FSTL4: variants seen among roughly 807,000 people sequenced by gnomAD.
The protein encoded by FSTL4 is follistatin like 4, also known as follistatin-related protein 4.
Under a neutral mutation model 78.2 loss-of-function variants are expected in FSTL4, and 28 were observed. That is an observed-to-expected ratio of 0.36 (90% CI 0.27 to 0.49). The LOEUF (loss-of-function observed/expected upper bound fraction) is 0.49. FSTL4 is among the 20% of genes least tolerant of loss of function. The pLI is 0.98. For synonymous variants in FSTL4, 422 were observed against 440.5 expected (o/e 0.96, Z 0.53); for missense variants, 922 against 1,084.9 (o/e 0.85, Z 2.11).
At chr5:133,289,283 CT>C (rs1220480878) in intron 6 of FSTL4, among the ~76,000 whole-genome samples, 7 of 152,222 alleles carry the variant, frequency 4.6e-5, no homozygotes, top group African/African-American at 1.7e-4. Flanking sequence ...CCTAATCCTT[CT>C]TCTGAGCCTT....
At chr5:133,515,137 T>G (rs1197549045) in intron 3 of FSTL4, among the ~76,000 whole-genome samples, 1 of 152,244 alleles carries the variant, frequency 6.6e-6, no homozygotes. Context: ...TGTTGGTTAA[T>G]AAGCTGAATA....
the FSTL4 span, among the ~76,000 whole-genome samples, chr5:133,635,750 G>A: frequency 6.6e-6 from 1 of 152,100 alleles, no homozygotes; most frequent in Non-Finnish European, 1.5e-5. Flanking sequence ...GTGACAGAGC[G>A]AGACTCCATC....
At chr5:133,531,652 T>A (rs1196294814) in intron 3 of FSTL4, among the ~76,000 whole-genome samples, 1 of 152,180 alleles carries the variant, frequency 6.6e-6, no homozygotes, top group Non-Finnish European at 1.5e-5. Context: ...TTGCAATAAA[T>A]CAGTGTGAAA....
At chr5:133,821,103 G>A in the FSTL4 span, among the ~76,000 whole-genome samples, 1 of 152,210 alleles carries the variant, frequency 6.6e-6, no homozygotes, top group African/African-American at 2.4e-5. Flanking sequence ...GCTTTGAAAA[G>A]TCCACAAGGA....
the FSTL4 span, among the ~76,000 whole-genome samples, chr5:133,715,775 C>T: frequency 6.6e-5 from 10 of 152,136 alleles, no homozygotes; most frequent in Non-Finnish European, 1.0e-4. Context: ...GAATGCCTTG[C>T]GAAATCCCAA....
chr5:133,763,135 G>A, the FSTL4 span, among the ~76,000 whole-genome samples: 1 of 152,240 alleles, frequency 6.6e-6, no homozygotes, highest in African/African-American at 2.4e-5. Flanking sequence ...CTCCAGGACT[G>A]TGAATCCTGA....
intron 7 of FSTL4, among the ~76,000 whole-genome samples, chr5:133,245,922 C>G (rs1280219443): frequency 2.0e-5 from 3 of 152,196 alleles, no homozygotes; most frequent in African/African-American, 7.2e-5. Context: ...GAATGGCATT[C>G]TGTAATAGCT....
At chr5:133,714,180 C>A in the FSTL4 span, among the ~76,000 whole-genome samples, 1 of 152,158 alleles carries the variant, frequency 6.6e-6, no homozygotes, top group Non-Finnish European at 1.5e-5. Flanking sequence ...CTCAGCCCAG[C>A]CCAGACACAC....
At chr5:133,253,445 G>A (rs1237980112) in intron 6 of FSTL4, among the ~76,000 whole-genome samples, 1 of 152,210 alleles carries the variant, frequency 6.6e-6, no homozygotes. Flanking sequence ...CTTTTGACTC[G>A]GAGCCGATTA....
intron 4 of FSTL4, among the ~76,000 whole-genome samples, chr5:133,354,998 G>A (rs1187570459): frequency 6.6e-6 from 1 of 152,234 alleles, no homozygotes; most frequent in Non-Finnish European, 1.5e-5. Flanking sequence ...AGGAAGCCCT[G>A]CTGTCAGCAG....
upstream of FSTL4, among the ~76,000 whole-genome samples, chr5:133,615,172 T>C (rs1055841657): frequency 2.0e-5 from 3 of 152,176 alleles, no homozygotes; most frequent in Non-Finnish European, 2.9e-5. Context: ...CAGCTTACCC[T>C]TGGGAGTCCC....
chr5:133,388,199 T>G (rs1187467362), intron 4 of FSTL4, among the ~76,000 whole-genome samples: 2 of 152,238 alleles, frequency 1.3e-5, no homozygotes, highest in East Asian at 3.8e-4. Context: ...GAGTTCCTCT[T>G]TGTCAGATTC....
At chr5:133,561,018 G>A (rs1759900336) in intron 3 of FSTL4, among the ~76,000 whole-genome samples, 2 of 151,138 alleles carry the variant, frequency 1.3e-5, no homozygotes, top group Non-Finnish European at 2.9e-5. Flanking sequence ...GAACCCGTGA[G>A]GCTGAGCTTG....
the FSTL4 span, among the ~76,000 whole-genome samples, chr5:133,782,647 C>T: frequency 3.9e-5 from 6 of 152,190 alleles, no homozygotes; most frequent in African/African-American, 1.4e-4. Context: ...CTGGGAGAGC[C>T]AGCAGCAGCC....
intron 3 of FSTL4, among the ~76,000 whole-genome samples, chr5:133,482,083 C>T (rs1379760825): frequency 6.6e-6 from 1 of 152,216 alleles, no homozygotes; most frequent in East Asian, 1.9e-4. Context: ...GTTTCACTAA[C>T]AGCTAATGCA....
chr5:133,548,602 C>G (rs142250986), intron 3 of FSTL4, among the ~76,000 whole-genome samples: 45 of 152,226 alleles, frequency 3.0e-4, no homozygotes, highest in Non-Finnish European at 5.9e-5. Context: ...CCTAGAGATA[C>G]TAACACTACT....
At chr5:133,500,760 T>C (rs1758477662) in intron 3 of FSTL4, among the ~76,000 whole-genome samples, 1 of 152,170 alleles carries the variant, frequency 6.6e-6, no homozygotes, top group Non-Finnish European at 1.5e-5. Flanking sequence ...CAAAAAAGAT[T>C]TCCTATGACT....
At chr5:133,646,934 G>T in the FSTL4 span, among the ~76,000 whole-genome samples, 1 of 152,168 alleles carries the variant, frequency 6.6e-6, no homozygotes, top group South Asian at 2.1e-4. Context: ...AAGTATCCTG[G>T]CTCCTGCAAA....
At chr5:133,414,835 A>G (rs1327523448) in intron 3 of FSTL4, among the ~76,000 whole-genome samples, 1 of 152,240 alleles carries the variant, frequency 6.6e-6, no homozygotes, top group Non-Finnish European at 1.5e-5. Flanking sequence ...GGTTATTGCC[A>G]GACAGCCTAT....
Sources: allele counts gnomAD v4.1 joint callset (sites outside exome capture counted in the v4.1 genomes callset), GRCh38; gene constraint gnomAD v4.1.1; transcripts MANE v1.5; gene names NCBI Gene and HGNC (gene_info 2026-07-23, HGNC 2026-07-21).